STXBP4: variants seen among roughly 807,000 people sequenced by gnomAD.
STXBP4 encodes the protein syntaxin-binding protein 4.
STXBP4 carries 55 observed loss-of-function variants against 76.1 expected under a neutral mutation model. The observed-to-expected ratio is 0.72, with a 90% CI of 0.58 to 0.91. The LOEUF is 0.91. STXBP4 is among the 40% of genes least tolerant of loss of function. The pLI is 0.00. For missense variants in STXBP4, 618 were observed against 636.9 expected (o/e 0.97, Z 0.32); for synonymous variants, 201 against 220.2 (o/e 0.91, Z 0.77).
intron 16 of STXBP4, among the ~76,000 whole-genome samples, chr17:55,120,977 A>G (rs2079837539): frequency 1.3e-5 from 2 of 152,192 alleles, no homozygotes; most frequent in African/African-American, 2.4e-5. Context: ...TTTTTGCAAC[A>G]TAAACATAGG....
At chr17:55,204,734 A>G in the STXBP4 span, among the ~76,000 whole-genome samples, 5 of 151,972 alleles carry the variant, frequency 3.3e-5, no homozygotes, top group African/African-American at 1.2e-4. Context: ...GGGCTCAACT[A>G]TATGAACCTA....
intron 12 of STXBP4, among the ~76,000 whole-genome samples, chr17:55,052,041 G>C (rs910108272): frequency 2.6e-5 from 4 of 151,822 alleles, no homozygotes; most frequent in Admixed American, 2.0e-4. Context: ...CATAAGTCAG[G>C]GACTATCTGT....
At chr17:55,078,026 T>G (rs2079206479) in intron 13 of STXBP4, 52 bp from the exon 14 acceptor site, 2 of 1,108,416 alleles carry the variant, frequency 1.8e-6, no homozygotes, top group South Asian at 3.0e-5. Context: ...TAGGGACCAG[T>G]AATGTAAAAC....
At chr17:55,057,645 C>T (rs545531826) in intron 12 of STXBP4, among the ~76,000 whole-genome samples, 1 of 152,060 alleles carries the variant, frequency 6.6e-6, no homozygotes, top group African/African-American at 2.4e-5. Flanking sequence ...CCTATCAACC[C>T]GACATCTAGG....
chr17:55,031,802 A>C (rs2078514101), intron 9 of STXBP4, among the ~76,000 whole-genome samples: 1 of 152,090 alleles, frequency 6.6e-6, no homozygotes, highest in Non-Finnish European at 1.5e-5. Flanking sequence ...GGCTTTTCCA[A>C]CCTGCAAATA....
intron 10 of STXBP4, among the ~76,000 whole-genome samples, chr17:55,034,983 C>G (rs536058763): frequency 2.0e-5 from 3 of 151,934 alleles, no homozygotes; most frequent in African/African-American, 7.2e-5. Context: ...AATTTATGTT[C>G]TATATAATTT....
chr17:55,039,393 C>A (rs2078658094), intron 10 of STXBP4, among the ~76,000 whole-genome samples: 1 of 150,918 alleles, frequency 6.6e-6, no homozygotes, highest in Non-Finnish European at 1.5e-5. Context: ...AGAGTTATGC[C>A]TCAAAGGGTA....
At chr17:54,995,005 A>T (rs1447120835) in intron 4 of STXBP4, among the ~76,000 whole-genome samples, 1 of 151,666 alleles carries the variant, frequency 6.6e-6, no homozygotes, top group African/African-American at 2.4e-5. Flanking sequence ...TGTGTCACCT[A>T]CCTCAGTTTG....
intron 16 of STXBP4, among the ~76,000 whole-genome samples, chr17:55,082,947 A>G (rs2079275107): frequency 6.6e-6 from 1 of 152,014 alleles, no homozygotes; most frequent in African/African-American, 2.4e-5. Context: ...TAACACAAGA[A>G]GTAGTTGCAT....
chr17:55,188,475 A>G, the STXBP4 span, among the ~76,000 whole-genome samples: 2 of 152,200 alleles, frequency 1.3e-5, no homozygotes, highest in African/African-American at 2.4e-5. Context: ...CTCTCTCCCT[A>G]GAACAGTGAT....
chr17:55,090,835 TTGTGTG>T (rs10598089), intron 16 of STXBP4, among the ~76,000 whole-genome samples: 5 of 149,616 alleles, frequency 3.3e-5, no homozygotes, highest in South Asian at 2.2e-4. Flanking sequence ...ACATTTTAAA[TTGTGTG>T]TGTGTGTGTG....
At chr17:55,112,532 T>A (rs2079732647) in intron 16 of STXBP4, among the ~76,000 whole-genome samples, 1 of 152,178 alleles carries the variant, frequency 6.6e-6, no homozygotes, top group African/African-American at 2.4e-5. Flanking sequence ...GGATTTTTGA[T>A]CCTGGATTAT....
intron 16 of STXBP4, among the ~76,000 whole-genome samples, chr17:55,090,248 A>T (rs903970482): frequency 6.6e-6 from 1 of 151,944 alleles, no homozygotes; most frequent in African/African-American, 2.4e-5. Flanking sequence ...AAGCAGAAGG[A>T]CAACTGGGGC....
chr17:55,015,661 T>C (rs1036348561), intron 8 of STXBP4, among the ~76,000 whole-genome samples: 2 of 152,064 alleles, frequency 1.3e-5, no homozygotes, highest in African/African-American at 4.8e-5. Flanking sequence ...TCGGGGAATA[T>C]TGGCACTCTT....
At chr17:55,006,279 C>T (rs1038827780) in intron 7 of STXBP4, among the ~76,000 whole-genome samples, 4 of 152,060 alleles carry the variant, frequency 2.6e-5, no homozygotes, top group Admixed American at 1.3e-4. Flanking sequence ...TAGAGGAAGA[C>T]TATTTATTTT....
intron 17 of STXBP4, among the ~76,000 whole-genome samples, chr17:55,144,467 C>T (rs2080129286): frequency 6.6e-6 from 1 of 152,150 alleles, no homozygotes; most frequent in Non-Finnish European, 1.5e-5. Context: ...TCATTATACA[C>T]AATACAGTGA....
At chr17:55,059,415 A>G (rs1249271274) in intron 12 of STXBP4, among the ~76,000 whole-genome samples, 1 of 152,186 alleles carries the variant, frequency 6.6e-6, no homozygotes, top group Non-Finnish European at 1.5e-5. Context: ...TGATGCAGTG[A>G]TTACAGTGAG....
chr17:55,005,552 CG>C (rs1405425573), intron 7 of STXBP4, among the ~76,000 whole-genome samples: 1 of 152,264 alleles, frequency 6.6e-6, no homozygotes, highest in Admixed American at 6.5e-5. Context: ...TGTAGGAAAA[CG>C]TAAGTGAGAA....
intron 1 of STXBP4, among the ~76,000 whole-genome samples, chr17:54,975,511 G>A (rs981929422): frequency 3.3e-5 from 5 of 152,096 alleles, no homozygotes; most frequent in South Asian, 2.1e-4. Context: ...GTCTAATTAC[G>A]TGATTTAATT....
Sources: gnomAD v4.1 joint callset for allele counts (sites outside exome capture counted in the v4.1 genomes callset) on GRCh38, gnomAD v4.1.1 for gene constraint, MANE v1.5 for transcripts, NCBI Gene and HGNC (gene_info 2026-07-23, HGNC 2026-07-21) for gene names.